Variants in ARMH3 observed in about 807,000 individuals in gnomAD.
ARMH3 encodes the protein armadillo like helical domain containing 3, also known as armadillo-like helical domain-containing protein 3.
In ARMH3, 60 loss-of-function variants were observed where a neutral mutation model predicts 99.1. The ratio of observed to expected loss-of-function variants is 0.61; its 90% CI spans 0.49 to 0.75. ARMH3 has a LOEUF of 0.75. ARMH3 is among the 30% of genes least tolerant of loss of function. The pLI, the probability that ARMH3 is intolerant of heterozygous loss-of-function variation, is 0.00. For synonymous variants in ARMH3, 285 were observed against 292.8 expected, an observed-to-expected ratio of 0.97 and a Z score of 0.27; for missense variants, 679 against 843.1, an observed-to-expected ratio of 0.81 and a Z score of 2.41.
intron 8 of ARMH3, among the ~76,000 whole-genome samples, chr10:102,021,842 G>A (rs373857780): frequency 4.6e-5 from 7 of 151,984 alleles, no homozygotes; most frequent in South Asian, 2.1e-4. Flanking sequence ...CATCGCGCCC[G>A]GCCAACCAGC....
chr10:101,907,505 C>CT (rs1842686536), intron 23 of ARMH3, among the ~76,000 whole-genome samples: 2 of 151,912 alleles, frequency 1.3e-5, no homozygotes, highest in Non-Finnish European at 2.9e-5. Flanking sequence ...GCCTCAGCCT[C>CT]TGAGTAGCTG....
intron 23 of ARMH3, among the ~76,000 whole-genome samples, chr10:101,919,612 T>C (rs1281250573): frequency 1.3e-5 from 2 of 152,150 alleles, no homozygotes; most frequent in Non-Finnish European, 2.9e-5. Flanking sequence ...TGCGGCACAG[T>C]GGTTTGTTCT....
At chr10:101,870,891 G>T (rs2067116615) in intron 24 of ARMH3, among the ~76,000 whole-genome samples, 1 of 152,058 alleles carries the variant, frequency 6.6e-6, no homozygotes, top group Non-Finnish European at 1.5e-5. Flanking sequence ...AGTGAGCTGT[G>T]ATCATGCTAC....
At chr10:101,857,749 G>C (rs1323831401) in intron 24 of ARMH3, among the ~76,000 whole-genome samples, 2 of 152,122 alleles carry the variant, frequency 1.3e-5, no homozygotes, top group Non-Finnish European at 2.9e-5. Flanking sequence ...CTCTTCTCTG[G>C]ATTTGTTATT....
At chr10:101,959,385 A>T (rs1845180529) in intron 20 of ARMH3, among the ~76,000 whole-genome samples, 1 of 152,160 alleles carries the variant, frequency 6.6e-6, no homozygotes, top group African/African-American at 2.4e-5. Context: ...CTACCTGACA[A>T]TCGGACTCTA....
chr10:102,023,323 A>G (rs2066929195), intron 8 of ARMH3, among the ~76,000 whole-genome samples, 154 bp downstream of exon 8: 1 of 152,224 alleles, frequency 6.6e-6, no homozygotes, highest in Non-Finnish European at 1.5e-5. Flanking sequence ...TGCCCCATGC[A>G]TTTAATATAG....
chr10:102,025,626 A>G (rs1254718510), intron 5 of ARMH3, among the ~76,000 whole-genome samples: 1 of 151,866 alleles, frequency 6.6e-6, no homozygotes, highest in Non-Finnish European at 1.5e-5. Context: ...AAATAATTGT[A>G]TATGTTTCTT....
intron 19 of ARMH3, among the ~76,000 whole-genome samples, chr10:101,985,236 G>A (rs1211888995): frequency 6.9e-6 from 1 of 145,708 alleles, no homozygotes; most frequent in Non-Finnish European, 1.5e-5. Flanking sequence ...GTATATACAT[G>A]TATATATACG....
At chr10:102,001,741 T>C (rs10883703) in intron 15 of ARMH3, among the ~76,000 whole-genome samples, 24,284 of 152,158 alleles carry the variant, frequency 0.16, 2,670 homozygotes, top group East Asian at 0.52. Context: ...GACCAATTTT[T>C]TTCCTGTTCT....
chr10:101,888,998 G>T (rs181729978), intron 24 of ARMH3, among the ~76,000 whole-genome samples: 16 of 152,250 alleles, frequency 1.1e-4, no homozygotes, highest in Admixed American at 2.0e-4. Context: ...GTCCCAATGA[G>T]GGCTCATGTT....
chr10:101,969,241 A>G (rs1259771435), intron 20 of ARMH3, among the ~76,000 whole-genome samples: 5 of 152,222 alleles, frequency 3.3e-5, no homozygotes, highest in Non-Finnish European at 7.3e-5. Flanking sequence ...TGAAGGGTAC[A>G]TGAAACTCTA....
intron 24 of ARMH3, among the ~76,000 whole-genome samples, chr10:101,883,232 C>T (rs2067460385): frequency 1.3e-5 from 2 of 151,908 alleles, no homozygotes; most frequent in Admixed American, 1.3e-4. Flanking sequence ...CTGGGCAACA[C>T]ATTGAGACTC....
intron 12 of ARMH3, 42 bp from the exon 13 acceptor site, chr10:102,009,491 G>T: frequency 6.6e-7 from 1 of 1,504,326 alleles, no homozygotes; most frequent in South Asian, 1.1e-5. Flanking sequence ...TTTATAGTGG[G>T]GGGAGTTAAA....
intron 14 of ARMH3, among the ~76,000 whole-genome samples, chr10:102,004,322 A>G (rs2136075042): frequency 6.6e-6 from 1 of 152,344 alleles, no homozygotes. Context: ...GTTAGGAGAC[A>G]GGGAAAAGAA....
intron 1 of ARMH3, among the ~76,000 whole-genome samples, chr10:102,051,431 C>G (rs1252804414): frequency 6.6e-6 from 1 of 151,150 alleles, no homozygotes; most frequent in East Asian, 1.9e-4. Context: ...CAAGACTGGG[C>G]CACTGCACTA....
intron 15 of ARMH3, among the ~76,000 whole-genome samples, chr10:101,997,236 C>A (rs540252355): frequency 2.0e-5 from 3 of 151,432 alleles, no homozygotes; most frequent in Non-Finnish European, 4.4e-5. Context: ...CCACTGCACT[C>A]CAGCCTGGGT....
At chr10:102,051,720 C>A in intron 1 of ARMH3, among the ~76,000 whole-genome samples, 1 of 152,130 alleles carries the variant, frequency 6.6e-6, no homozygotes, top group Admixed American at 6.6e-5. Flanking sequence ...AAGCAAATGG[C>A]AAAACCAGGA....
At chr10:102,020,808 A>T (rs992367640) in intron 8 of ARMH3, among the ~76,000 whole-genome samples, 4 of 150,392 alleles carry the variant, frequency 2.7e-5, no homozygotes, top group African/African-American at 9.8e-5. Context: ...AGATCGCACC[A>T]CTGCACTACA....
chr10:102,011,843 G>T, intron 10 of ARMH3, 60 bp from the exon 11 acceptor site: 1 of 1,406,752 alleles, frequency 7.1e-7, no homozygotes, highest in Non-Finnish European at 9.9e-7. Flanking sequence ...CTTTGTCCTT[G>T]ACATTTGGGG....
Sources: gnomAD v4.1 joint callset for allele counts (sites outside exome capture counted in the v4.1 genomes callset) on GRCh38, gnomAD v4.1.1 for gene constraint, MANE v1.5 for transcripts, NCBI Gene and HGNC (gene_info 2026-07-23, HGNC 2026-07-21) for gene names.